GALNTL6: variants seen among roughly 807,000 people sequenced by gnomAD.
GALNTL6 encodes polypeptide N-acetylgalactosaminyltransferase like 6.
GALNTL6 carries 46 observed loss-of-function variants against 73.7 expected under a neutral mutation model. The observed-to-expected ratio is 0.62, with a 90% CI of 0.49 to 0.80. The LOEUF is 0.80. Ranked by LOEUF, GALNTL6 falls within the 30% of genes least tolerant of loss-of-function variation. The pLI is 0.00. For missense variants in GALNTL6, 604 were observed against 755.0 expected (o/e 0.80, Z 2.34); for synonymous variants, 259 against 263.7 (o/e 0.98, Z 0.17).
At chr4:172,546,171 C>A (rs113935016) in intron 5 of GALNTL6, among the ~76,000 whole-genome samples, 1 of 152,030 alleles carries the variant, frequency 6.6e-6, no homozygotes, top group Non-Finnish European at 1.5e-5. Flanking sequence ...AACTTACTCA[C>A]CCATTACCAC....
intron 2 of GALNTL6, among the ~76,000 whole-genome samples, chr4:171,926,875 A>G (rs533417827): frequency 6.6e-6 from 1 of 152,198 alleles, no homozygotes; most frequent in Admixed American, 6.5e-5. Flanking sequence ...TAGCTTTTGC[A>G]CATAGTTTCT....
intron 5 of GALNTL6, among the ~76,000 whole-genome samples, chr4:172,808,134 C>A (rs1314561835): frequency 6.6e-6 from 1 of 152,100 alleles, no homozygotes; most frequent in African/African-American, 2.4e-5. Flanking sequence ...CATCTGTATT[C>A]TTGTACAGTG....
chr4:172,017,129 A>T (rs1318390712), intron 2 of GALNTL6, among the ~76,000 whole-genome samples: 1 of 152,136 alleles, frequency 6.6e-6, no homozygotes, highest in East Asian at 1.9e-4. Context: ...GTAATACCCA[A>T]TGGTGGGCTA....
intron 7 of GALNTL6, among the ~76,000 whole-genome samples, chr4:172,847,706 T>C (rs1350880464): frequency 6.6e-6 from 1 of 152,174 alleles, no homozygotes; most frequent in Non-Finnish European, 1.5e-5. Context: ...TCATTAAGTT[T>C]TCAGTCTAAC....
chr4:172,503,686 C>A (rs894340659), intron 5 of GALNTL6, among the ~76,000 whole-genome samples: 3 of 151,106 alleles, frequency 2.0e-5, no homozygotes, highest in Admixed American at 1.3e-4. Context: ...GTGAATTCAA[C>A]AATGTACAGA....
intron 11 of GALNTL6, among the ~76,000 whole-genome samples, chr4:173,018,420 A>G (rs1209038337): frequency 2.0e-5 from 3 of 152,236 alleles, no homozygotes; most frequent in Non-Finnish European, 4.4e-5. Flanking sequence ...TTTATTCAAT[A>G]GAAATTTAAT....
At chr4:172,446,289 T>A (rs180904894) in intron 5 of GALNTL6, among the ~76,000 whole-genome samples, 6 of 152,274 alleles carry the variant, frequency 3.9e-5, no homozygotes, top group South Asian at 2.1e-4. Flanking sequence ...TGAGTCCAGA[T>A]CTGTGTCTCC....
intron 2 of GALNTL6, among the ~76,000 whole-genome samples, chr4:171,953,920 A>G (rs1198967350): frequency 6.6e-6 from 1 of 152,114 alleles, no homozygotes; most frequent in Non-Finnish European, 1.5e-5. Flanking sequence ...AGTCATTACA[A>G]TGGAAAAATT....
At chr4:172,206,786 TG>T (rs1560969203) in intron 2 of GALNTL6, among the ~76,000 whole-genome samples, 1,731 of 70,374 alleles carry the variant, frequency 0.025, 459 homozygotes, top group Non-Finnish European at 0.043. Context: ...TTTTTTGTTT[TG>T]TTTTGTTTTG....
intron 5 of GALNTL6, among the ~76,000 whole-genome samples, chr4:172,774,987 A>AATG (rs1181569482): frequency 3.4e-5 from 5 of 149,012 alleles, no homozygotes; most frequent in Admixed American, 6.7e-5. Context: ...TAATAATAAT[A>AATG]ATAATAATAA....
chr4:172,451,931 A>C (rs1381787717), intron 5 of GALNTL6, among the ~76,000 whole-genome samples: 2 of 152,100 alleles, frequency 1.3e-5, no homozygotes, highest in Non-Finnish European at 2.9e-5. Context: ...AGGTCTTCTG[A>C]GCCCGGGAAG....
intron 3 of GALNTL6, among the ~76,000 whole-genome samples, chr4:172,281,810 A>T (rs761242090): frequency 1.3e-5 from 2 of 152,116 alleles, no homozygotes; most frequent in Non-Finnish European, 2.9e-5. Context: ...ACATCTGCGA[A>T]TTTCTTTTTG....
intron 4 of GALNTL6, among the ~76,000 whole-genome samples, chr4:172,346,172 A>C (rs1741731994): frequency 6.6e-6 from 1 of 152,218 alleles, no homozygotes; most frequent in African/African-American, 2.4e-5. Flanking sequence ...CCTCCAGCAA[A>C]ATAGATTTTT....
chr4:173,002,809 AAAAAG>A (rs1188164054), intron 10 of GALNTL6, among the ~76,000 whole-genome samples: 3 of 152,014 alleles, frequency 2.0e-5, no homozygotes, highest in African/African-American at 7.2e-5. Context: ...AAAAAAAAAA[AAAAAG>A]AATATTGGCC....
chr4:172,329,619 T>C (rs537633014), intron 4 of GALNTL6, among the ~76,000 whole-genome samples: 1 of 152,280 alleles, frequency 6.6e-6, no homozygotes, highest in Non-Finnish European at 1.5e-5. Flanking sequence ...GAACAAGATG[T>C]GTGACCTGTG....
chr4:172,828,744 C>G (rs559457079), intron 7 of GALNTL6, among the ~76,000 whole-genome samples: 1 of 152,116 alleles, frequency 6.6e-6, no homozygotes, highest in Non-Finnish European at 1.5e-5. Flanking sequence ...ATGGATGAAC[C>G]AAATAATAGA....
chr4:172,734,028 G>A (rs1736307331), intron 5 of GALNTL6, among the ~76,000 whole-genome samples: 2 of 152,108 alleles, frequency 1.3e-5, no homozygotes, highest in South Asian at 2.1e-4. Context: ...ATAGTGATAT[G>A]GACAATAAAG....
chr4:172,096,854 G>A (rs945212217), intron 2 of GALNTL6, among the ~76,000 whole-genome samples: 1 of 152,118 alleles, frequency 6.6e-6, no homozygotes, highest in Non-Finnish European at 1.5e-5. Flanking sequence ...AGGATCACAC[G>A]CTGGGAACCA....
chr4:171,957,054 G>A (rs374410), intron 2 of GALNTL6, among the ~76,000 whole-genome samples: 72,336 of 151,980 alleles, frequency 0.48, 17,705 homozygotes, highest in East Asian at 0.59. Context: ...GCCTCACTGC[G>A]GGGAATGTTC....
Sources: allele counts gnomAD v4.1 joint callset (sites outside exome capture counted in the v4.1 genomes callset), GRCh38; gene constraint gnomAD v4.1.1; transcripts MANE v1.5; gene names NCBI Gene and HGNC (gene_info 2026-07-23, HGNC 2026-07-21).